Variants in DAB1 observed in about 807,000 individuals in gnomAD.
DAB1 encodes the protein DAB adaptor protein 1, also known as disabled homolog 1.
A neutral mutation model predicts 64.6 loss-of-function variants in DAB1; 15 were observed. The observed-to-expected ratio is 0.23, with a 90% CI of 0.16 to 0.36. DAB1 has a LOEUF of 0.36. Among genes scored for constraint, DAB1 ranks in the 10% least tolerant of loss-of-function variants. The pLI is 1.00. For missense variants in DAB1, 596 were observed against 706.7 expected, an observed-to-expected ratio of 0.84 and a Z score of 1.78; for synonymous variants, 235 against 251.9, an observed-to-expected ratio of 0.93 and a Z score of 0.64.
chr1:57,908,597 G>A (rs574636333), intron 5 of DAB1, among the ~76,000 whole-genome samples: 106 of 141,322 alleles, frequency 7.5e-4, no homozygotes, highest in African/African-American at 2.5e-3. Context: ...TATTCCAAGC[G>A]CAGTCAGAGT....
intron 2 of DAB1, among the ~76,000 whole-genome samples, chr1:57,269,502 G>C (rs1177480635): frequency 6.6e-6 from 1 of 152,112 alleles, no homozygotes; most frequent in East Asian, 1.9e-4. Flanking sequence ...GCCACTCACA[G>C]AACAAATATG....
chr1:57,292,833 C>A (rs1672888017), intron 1 of DAB1, among the ~76,000 whole-genome samples: 1 of 152,068 alleles, frequency 6.6e-6, no homozygotes, highest in African/African-American at 2.4e-5. Context: ...CGGCAACACA[C>A]ACATGTGAGC....
At chr1:57,233,255 CTTTTTTTTTTTTT>C (rs1186221366) in intron 2 of DAB1, among the ~76,000 whole-genome samples, 2 of 60,804 alleles carry the variant, frequency 3.3e-5, no homozygotes, top group Admixed American at 3.2e-4. Flanking sequence ...TGCTCCGATT[CTTTTTTTTTTTTT>C]TTTTTTTTTT....
At position 57,077,117 on chromosome 1, in the gene DAB1, G is replaced by T. The variant is rs544126542; in HGVS notation, c.307-4703C>A. Reference sequence around the variant, plus strand: ...CATCAAAGAAGGCTTGACGAAGGGGGTGACCTTGAATTGAGGCTCCAAGGA... The same window carrying T: ...CATCAAAGAAGGCTTGACGAAGGGGTTGACCTTGAATTGAGGCTCCAAGGA... On this transcript the variant is annotated intron_variant, in intron 4 of 14. Coordinates refer to ENST00000371236, the MANE Select transcript of DAB1 (RefSeq NM_001365792.1). 7.9e-5 allele frequency among the ~76,000 whole-genome samples: 12 copies of T among 152,300 alleles called. No individual in the cohort carries two copies. In the East Asian group the frequency reaches 2.1e-3, roughly 27 times the overall value.
At chr1:57,999,681 T>C (rs1012744027) in intron 5 of DAB1, among the ~76,000 whole-genome samples, 1 of 152,140 alleles carries the variant, frequency 6.6e-6, no homozygotes, top group Non-Finnish European at 1.5e-5. Context: ...GATCTCACAA[T>C]GCACTGGACG....
At chr1:57,332,318 T>C (rs1473878412) in intron 1 of DAB1, among the ~76,000 whole-genome samples, 5 of 152,124 alleles carry the variant, frequency 3.3e-5, no homozygotes, top group Non-Finnish European at 7.3e-5. Context: ...GGCCACTCAT[T>C]GAGGTCTCTG....
intron 1 of DAB1, among the ~76,000 whole-genome samples, chr1:57,372,151 C>T (rs949988162): frequency 6.6e-6 from 1 of 152,130 alleles, no homozygotes; most frequent in African/African-American, 2.4e-5. Flanking sequence ...AATAAACATT[C>T]GCAGGAATGC....
At chr1:57,736,957 G>A (rs781182161) in intron 6 of DAB1, among the ~76,000 whole-genome samples, 2 of 152,146 alleles carry the variant, frequency 1.3e-5, no homozygotes, top group African/African-American at 2.4e-5. Context: ...ACCTAAAAAG[G>A]ATAGGGAAGA....
intron 4 of DAB1, among the ~76,000 whole-genome samples, chr1:58,323,309 C>A (rs1271862266): frequency 6.6e-6 from 1 of 151,894 alleles, no homozygotes; most frequent in African/African-American, 2.4e-5. Flanking sequence ...CATTTGGTAT[C>A]AGGGTGAGTT....
intron 5 of DAB1, among the ~76,000 whole-genome samples, chr1:57,982,517 G>A (rs967749334): frequency 6.6e-6 from 1 of 152,164 alleles, no homozygotes; most frequent in Non-Finnish European, 1.5e-5. Context: ...GTGTCAGGAT[G>A]AGAGCTCATC....
intron 1 of DAB1, among the ~76,000 whole-genome samples, chr1:57,348,407 A>G (rs1678294355): frequency 6.6e-6 from 1 of 152,194 alleles, no homozygotes; most frequent in Non-Finnish European, 1.5e-5. Context: ...CCCTTGAGCT[A>G]TAAAAAATAA....
At chr1:57,035,649 T>C (rs1374324604) in intron 9 of DAB1, among the ~76,000 whole-genome samples, 1 of 152,132 alleles carries the variant, frequency 6.6e-6, no homozygotes, top group Admixed American at 6.5e-5. Context: ...GACAAGTCAA[T>C]TAACCTCAGT....
chr1:57,482,723 C>T (rs778327481), intron 7 of DAB1, among the ~76,000 whole-genome samples: 1 of 152,036 alleles, frequency 6.6e-6, no homozygotes, highest in African/African-American at 2.4e-5. Context: ...TGACATTCAC[C>T]CCAATATTTA....
At chr1:57,217,809 A>G (rs1319609665) in intron 2 of DAB1, among the ~76,000 whole-genome samples, 2 of 152,062 alleles carry the variant, frequency 1.3e-5, no homozygotes, top group African/African-American at 4.8e-5. Flanking sequence ...TTTAAACTCT[A>G]AGATCTGATC....
intron 3 of DAB1, among the ~76,000 whole-genome samples, chr1:58,434,590 T>G (rs1644920855): frequency 6.6e-6 from 1 of 152,158 alleles, no homozygotes; most frequent in Non-Finnish European, 1.5e-5. Context: ...AAGAAAGAGA[T>G]CTGAGTGGGA....
chr1:57,997,227 T>G (rs1158066684), intron 5 of DAB1, among the ~76,000 whole-genome samples: 1 of 152,158 alleles, frequency 6.6e-6, no homozygotes, highest in East Asian at 1.9e-4. Flanking sequence ...AACACTCGAC[T>G]GGTAAGGGAA....
At chr1:57,336,202 C>A (rs1016255240) in intron 1 of DAB1, among the ~76,000 whole-genome samples, 1 of 152,184 alleles carries the variant, frequency 6.6e-6, no homozygotes, top group Non-Finnish European at 1.5e-5. Context: ...TTTACACAAC[C>A]TCTAATACCT....
At position 58,529,776 on chromosome 1, in the gene DAB1, A is replaced by G. The variant is rs568373091; in HGVS notation, n.33-2441T>C. 9.8e-5 allele frequency among the ~76,000 whole-genome samples: 15 copies of G among 152,372 alleles called. 1 individual carries two copies. In the East Asian group the frequency reaches 2.5e-3, roughly 25 times the overall value. ...ACAACTTAAAAATATATATAGTAAA[A>G]TAACTATTTACATAGCATTTACATT... On this transcript the variant is annotated intron_variant and non_coding_transcript_variant, in intron 1 of 20. Coordinates refer to the DAB1 transcript ENST00000485760.
intron 7 of DAB1, among the ~76,000 whole-genome samples, chr1:57,512,907 A>C (rs1431920115): frequency 6.6e-6 from 1 of 152,168 alleles, no homozygotes; most frequent in African/African-American, 2.4e-5. Context: ...TGGATGGTGC[A>C]AATGGAGCCT....
Sources: gnomAD v4.1 joint callset for allele counts (sites outside exome capture counted in the v4.1 genomes callset) on GRCh38, gnomAD v4.1.1 for gene constraint, MANE v1.5 for transcripts, NCBI Gene and HGNC (gene_info 2026-07-23, HGNC 2026-07-21) for gene names.